MYO7B: variants seen among roughly 807,000 people sequenced by gnomAD.
MYO7B encodes myosin VIIB.
MYO7B carries 212 observed loss-of-function variants against 259.7 expected under a neutral mutation model. That is an observed-to-expected ratio of 0.82 (90% CI 0.73 to 0.91). The LOEUF is 0.91. MYO7B is among the 40% of genes least tolerant of loss of function. The pLI, the probability that MYO7B is intolerant of heterozygous loss-of-function variation, is 0.00. For synonymous variants in MYO7B, 1,197 were observed against 1,166.4 expected (o/e 1.03, Z -0.54); for missense variants, 2,732 against 2,813.5 (o/e 0.97, Z 0.66).
At chr2:127,578,354 A>G (rs1678965374) in intron 9 of MYO7B, 68 bp downstream of exon 9, 1 of 1,587,104 alleles carries the variant, frequency 6.3e-7, no homozygotes, top group Non-Finnish European at 8.6e-7. Flanking sequence ...GCAGGAAGGC[A>G]TCTCTAGGGG....
At chr2:127,536,089 C>T (rs937642159) in intron 1 of MYO7B, among the ~76,000 whole-genome samples, 2 of 152,152 alleles carry the variant, frequency 1.3e-5, no homozygotes, top group African/African-American at 4.8e-5. Context: ...TGTAGAAGGG[C>T]AAACTCCCTG....
rs1681183713 is a variant in MYO7B at position 127,627,253 on chromosome 2, A to G, written c.4403A>G (p.Gln1468Arg). 1 of 1,612,458 alleles carries G rather than the reference A, an allele frequency of 6.2e-7. No individual in the cohort carries two copies. The change falls in exon 33 of 48, where the codon CAG becomes CGG. Residue 1468 changes from glutamine (Q) to arginine (R), a missense_variant. Around this residue, in one of 3 missense-constraint regions of MYO7B, gnomAD observed 1,906 missense variants for 2,026.4 expected, o/e 0.94. Coordinates refer to ENST00000409816, the MANE Select transcript of MYO7B (RefSeq NM_001393586.1). The surrounding 1 kb of genome is among the most constrained non-coding windows in gnomAD (Gnocchi z 5.6). The stretch of plus-strand genomic sequence containing the variant: ...AAGGGGCTTTGCTTCCTGGACCAGC[A>G]GGAGAAGATGCTGCTGGAACTCTCT... ...NWKGLCFLDQ[Q>R]EKMLLELSFP...
At chr2:127,618,647 G>A (rs1291161057) in intron 26 of MYO7B, among the ~76,000 whole-genome samples, 7 of 152,164 alleles carry the variant, frequency 4.6e-5, no homozygotes, top group Admixed American at 2.6e-4. Flanking sequence ...AGCTGATCAC[G>A]ACCCTCACTC....
At position 127,631,649 on chromosome 2, in the gene MYO7B, C is replaced by T. The variant is rs530947830; in HGVS notation, c.5145C>T (p.Thr1715=). Residue 1715 remains threonine, a synonymous_variant, in exon 38 of 48, where the codon ACC becomes ACT. Transcript: ENST00000409816. ...GDYPSRQAWP[T]LELTDQIFTL... Reference sequence around the variant, plus strand: ...ACCCTTCTCGGCAGGCCTGGCCCACCCTGGAGCTCACCGACCAGATCTTCA... The same window carrying T: ...ACCCTTCTCGGCAGGCCTGGCCCACTCTGGAGCTCACCGACCAGATCTTCA... 158 of 1,613,066 alleles carry T rather than the reference C, an allele frequency of 9.8e-5. No homozygotes were observed. The Admixed American group carries it at 1.3e-3, about 13-fold the overall frequency.
rs772675495 is a variant in MYO7B, at chr2:127,584,336, T to A, written c.1554+4T>A. On this transcript the variant is annotated splice_donor_region_variant and intron_variant, in intron 13 of 47. Coordinates refer to ENST00000409816, the MANE Select transcript of MYO7B (RefSeq NM_001393586.1). The surrounding 1 kb of genome is among the most constrained non-coding windows in gnomAD (Gnocchi z 5.8). ...CGAAGAAAGCCGCTTCCCGCAGGTG[T>A]GTGTTCGGGCCTGCCGACCTTCTGG... is the stretch of plus-strand genomic sequence containing the variant. 1 of 1,613,596 alleles carries A rather than the reference T, an allele frequency of 6.2e-7. No homozygotes were observed. Among genetic ancestry groups the A allele is most frequent in the South Asian group, 1.1e-5 (1 of 91,074 alleles).
chr2:127,637,189 G>A (rs1240896993), intron 47 of MYO7B, 127 bp from the exon 48 acceptor site: 3 of 904,920 alleles, frequency 3.3e-6, no homozygotes, highest in African/African-American at 3.3e-5. Context: ...CCAATGGCAG[G>A]AGCCCGCCTT....
At chr2:127,631,160 A>T in intron 36 of MYO7B, 46 bp from the exon 37 acceptor site, 1 of 1,534,350 alleles carries the variant, frequency 6.5e-7, no homozygotes, top group Non-Finnish European at 8.8e-7. Flanking sequence ...AGCGTGGGAC[A>T]GAGAAGGCCA....
chr2:127,636,194 C>T lies in MYO7B; in HGVS notation c.6007-14C>T, dbSNP rs745578746. On this transcript the variant is annotated splice_polypyrimidine_tract_variant and intron_variant, in intron 44 of 47. Coordinates refer to ENST00000409816, the MANE Select transcript of MYO7B (RefSeq NM_001393586.1). This position sits in a 1 kb window ranked among gnomAD's most constrained non-coding sequence, Gnocchi z 4.5. Reference sequence around the variant, plus strand: ...CTGGGCACCCAAGTCCTTACTGGCCCTCCTGTCCCCCAGAGCATCCTTCTA... The same window carrying T: ...CTGGGCACCCAAGTCCTTACTGGCCTTCCTGTCCCCCAGAGCATCCTTCTA... 10 of 1,604,154 alleles carry T rather than the reference C, an allele frequency of 6.2e-6. No individual in the cohort carries two copies. The East Asian group carries it at 6.7e-5, about 11-fold the overall frequency.
chr2:127,558,579 A>C (rs1200716699), intron 1 of MYO7B, among the ~76,000 whole-genome samples: 2 of 152,242 alleles, frequency 1.3e-5, no homozygotes, highest in Non-Finnish European at 2.9e-5. Flanking sequence ...ACAATTGCAA[A>C]AATGTGGAAC....
At chr2:127,619,156 G>A (rs149833538) in intron 26 of MYO7B, among the ~76,000 whole-genome samples, 232 of 147,298 alleles carry the variant, frequency 1.6e-3, no homozygotes, top group Non-Finnish European at 2.8e-3. Context: ...TGTGGGGGCC[G>A]GTTGGGTTGT....
rs761207676 is a variant in MYO7B, at chr2:127,630,903, C to T, written c.4932C>T (p.Phe1644=). 1.9e-6 allele frequency: 3 copies of T among 1,575,294 alleles called. No homozygotes were observed. The highest frequency in any genetic ancestry group is 2.6e-6 in the Non-Finnish European group (3 of 1,160,674). The change falls in exon 36 of 48, where the codon TTC becomes TTT. Residue 1644 remains phenylalanine, a synonymous_variant. Transcript: ENST00000409816. The part of the protein sequence containing the change: ...LHTLEEFSYE[F]FRAPEKDMVS... ...CCCTGGAGGAGTTCTCCTATGAGTT[C>T]TTCAGGTGCCCCCCAGCCCCGCTCC...
In MYO7B at chr2:127,637,457, C is replaced by T; in HGVS notation, c.*40C>T. The T allele has an allele frequency of 7.0e-7, 1 of 1,424,484 alleles. No homozygotes were observed. The highest frequency in any genetic ancestry group is 2.5e-5 in the East Asian group (1 of 40,414). The allele number at this position is 1,424,484 out of a possible 1,614,324, so 88.2% of individuals were successfully genotyped here. Reference sequence around the variant, plus strand: ...GTGTCTGCTCAGGCGCCCTTCCCGACCTCTAGCCTGGCGGCACCTTCCCAG... The same window carrying T: ...GTGTCTGCTCAGGCGCCCTTCCCGATCTCTAGCCTGGCGGCACCTTCCCAG... On this transcript the variant is annotated 3_prime_UTR_variant, in exon 48 of 48. Coordinates refer to ENST00000409816, the MANE Select transcript of MYO7B (RefSeq NM_001393586.1).
chr2:127,636,061 C>A lies in MYO7B; in HGVS notation c.6007-147C>A. On this transcript the variant is annotated intron_variant, in intron 44 of 47. Coordinates refer to ENST00000409816, the MANE Select transcript of MYO7B (RefSeq NM_001393586.1). The surrounding 1 kb of genome is among the most constrained non-coding windows in gnomAD (Gnocchi z 4.5). ...TCTGCACACACCACGCCTTCCTATG[C>A]CATCCACAGCACCGAGACTGTCCCA... The A allele has an allele frequency of 9.5e-7, 1 of 1,052,468 alleles. No individual in the cohort carries two copies. Among genetic ancestry groups the A allele is most frequent in the Non-Finnish European group, 1.4e-6 (1 of 725,358 alleles). 65.2% of individuals were successfully genotyped at this position (1,052,468 alleles called of 1,614,324 possible). A position where few individuals can be genotyped will look rare whatever the true frequency, so the allele number is the denominator to read the frequency against.
At chr2:127,575,978 T>G (rs1199677574) in intron 7 of MYO7B, among the ~76,000 whole-genome samples, 1 of 152,114 alleles carries the variant, frequency 6.6e-6, no homozygotes, top group East Asian at 1.9e-4. Flanking sequence ...CATTTATAAA[T>G]AGTGTTTTAA....
chr2:127,625,359 G>A lies in MYO7B; in HGVS notation c.4048-9G>A. ...TCACTCGCCCCCGTGGGTGCCCTGGGCTGTGCAGGAGGAAGAGCTGGTTGA... is the reference window on the plus strand; with the variant it reads ...TCACTCGCCCCCGTGGGTGCCCTGGACTGTGCAGGAGGAAGAGCTGGTTGA... On this transcript the variant is annotated splice_polypyrimidine_tract_variant and intron_variant, in intron 30 of 47. Transcript: ENST00000409816. The A allele has an allele frequency of 1.9e-6, 3 of 1,548,198 alleles. No individual in the cohort carries two copies. Among genetic ancestry groups the A allele is most frequent in the East Asian group, 2.4e-5 (1 of 41,896 alleles).
rs1201666955 is a variant in MYO7B, at chr2:127,590,148, G to A, written c.1911G>A (p.Leu637=). Residue 637 remains leucine (L), a synonymous_variant, in exon 16 of 48, where the codon CTG becomes CTA. Coordinates refer to ENST00000409816, the MANE Select transcript of MYO7B (RefSeq NM_001393586.1). This position sits in a 1 kb window ranked among gnomAD's most constrained non-coding sequence, Gnocchi z 4.6. ...TAGGAAGCCAGTTCAAACAGTCTCTGGACCAGCTGATGAAAATCCTGACCA... is the reference window on the plus strand; with the variant it reads ...TAGGAAGCCAGTTCAAACAGTCTCTAGACCAGCTGATGAAAATCCTGACCA... ...STLGSQFKQS[L]DQLMKILTNC... 6.2e-7 allele frequency: 1 copy of A among 1,610,430 alleles called. No individual in the cohort carries two copies. Among genetic ancestry groups the A allele is most frequent in the Non-Finnish European group, 8.5e-7 (1 of 1,178,854 alleles).
At chr2:127,621,104 C>T (rs1265671025) in intron 27 of MYO7B, among the ~76,000 whole-genome samples, 1 of 152,162 alleles carries the variant, frequency 6.6e-6, no homozygotes, top group Non-Finnish European at 1.5e-5. Context: ...AAGCCATCTG[C>T]GCATGGCACT....
At position 127,631,645 on chromosome 2, in the gene MYO7B, C is replaced by T. The variant is rs551533460; in HGVS notation, c.5141C>T (p.Pro1714Leu). The change falls in exon 38 of 48, where the codon CCC becomes CTC. Residue 1714 changes from proline (P) to leucine (L), a missense_variant. Physicochemically the swap from Pro to Leu is moderately conservative, Grantham distance 98 (BLOSUM62 -3). Coordinates refer to ENST00000409816, the MANE Select transcript of MYO7B (RefSeq NM_001393586.1). ...GACTACCCTTCTCGGCAGGCCTGGC[C>T]CACCCTGGAGCTCACCGACCAGATC... ...MGDYPSRQAW[P>L]TLELTDQIFT... 1.3e-5 allele frequency: 21 copies of T among 1,613,058 alleles called. No individual in the cohort carries two copies. The Admixed American group carries it at 3.0e-4, about 23-fold the overall frequency.
Position 127,578,189 on chromosome 2 carries a change from C to T in MYO7B, c.906C>T (p.Arg302=), listed in dbSNP as rs1678955185. 1 of 1,613,866 alleles carries T rather than the reference C, an allele frequency of 6.2e-7. No homozygotes were observed. Among genetic ancestry groups the T allele is most frequent in the Non-Finnish European group, 8.5e-7 (1 of 1,179,874 alleles). The change falls in exon 9 of 48, where the codon CGC becomes CGT. Residue 302 remains arginine (R), a synonymous_variant. Coordinates refer to ENST00000409816, the MANE Select transcript of MYO7B (RefSeq NM_001393586.1). ...LNDAKDYAHI[R]SAMKILQFSD... is the part of the protein sequence containing the mutation. ...ACGCCAAGGACTACGCCCACATCCG[C>T]TCGGCCATGAAGATCCTCCAGTTCT... is the stretch of plus-strand genomic sequence containing the variant.
Sources: gnomAD v4.1 joint callset for allele counts (sites outside exome capture counted in the v4.1 genomes callset) on GRCh38, gnomAD v4.1.1 for gene constraint, gnomAD v4.1.1 regional missense constraint, Gnocchi (gnomAD v3.1) non-coding constraint, MANE v1.5 for transcripts, NCBI Gene and HGNC (gene_info 2026-07-23, HGNC 2026-07-21) for gene names.